The following PHF20L1 variants were observed in gnomAD, a reference collection of about 807,000 sequenced individuals.
PHF20L1 encodes PHD finger protein 20-like protein 1.
PHF20L1 carries 44 observed loss-of-function variants against 125.5 expected under a neutral mutation model. The observed-to-expected ratio is 0.35, with a 90% CI of 0.28 to 0.45. The LOEUF (loss-of-function observed/expected upper bound fraction) is 0.45. PHF20L1 is among the 20% of genes least tolerant of loss of function. The probability of loss-of-function intolerance (pLI) is 1.00; values close to 1 mark genes in which losing one functional copy is unlikely to be tolerated. For synonymous variants in PHF20L1, 380 were observed against 403.1 expected (o/e 0.94, Z 0.69); for missense variants, 1,012 against 1,217.2 (o/e 0.83, Z 2.51).
intron 6 of PHF20L1, among the ~76,000 whole-genome samples, chr8:132,801,418 C>T (rs1441135563): frequency 1.3e-5 from 2 of 151,668 alleles, no homozygotes; most frequent in African/African-American, 4.8e-5. Context: ...TCATTCTGTG[C>T]GAAGTGATTC....
chr8:132,819,581 A>G (rs1311192325), intron 12 of PHF20L1, among the ~76,000 whole-genome samples: 1 of 151,104 alleles, frequency 6.6e-6, no homozygotes, highest in Non-Finnish European at 1.5e-5. Flanking sequence ...CCTTTTTGTT[A>G]TTCACCCTCT....
Position 132,804,697 on chromosome 8 carries a change from C to G in PHF20L1, c.804C>G (p.Gly268=), listed in dbSNP as rs747441026. 2 of 1,610,050 alleles carry G rather than the reference C, an allele frequency of 1.2e-6. No homozygotes were observed. Among genetic ancestry groups the G allele is most frequent in the Non-Finnish European group, 8.5e-7 (1 of 1,177,326 alleles). ...TLSNKRKNNQ[G]NSFQAKRARL... ...CAAACAAGAGGAAAAATAATCAAGG[C>G]AACTCGTTTCAGGCAAAGAGAGCTC... is the stretch of plus-strand genomic sequence containing the variant. Residue 268 remains glycine, a synonymous_variant, in exon 8 of 21, where the codon GGC becomes GGG. Coordinates refer to ENST00000395386, the MANE Select transcript of PHF20L1 (RefSeq NM_016018.5).
chr8:132,785,137 T>C (rs1830869112), intron 2 of PHF20L1, among the ~76,000 whole-genome samples: 2 of 152,198 alleles, frequency 1.3e-5, no homozygotes, highest in Non-Finnish European at 2.9e-5. Context: ...TTTATTTGCT[T>C]ATCTGACATT....
chr8:132,804,298 G>GTT (rs1346172785), intron 7 of PHF20L1, among the ~76,000 whole-genome samples: 1 of 151,626 alleles, frequency 6.6e-6, no homozygotes, highest in African/African-American at 2.4e-5. Flanking sequence ...TTGATAGCAG[G>GTT]TTTTTGTTTG....
chr8:132,796,802 AT>A (rs1286256854), intron 4 of PHF20L1, among the ~76,000 whole-genome samples: 3 of 152,082 alleles, frequency 2.0e-5, no homozygotes, highest in Admixed American at 6.6e-5. Flanking sequence ...GTCAGTAACA[AT>A]TTGTGGAAGT....
At chr8:132,817,191 T>G (rs540417665) in intron 11 of PHF20L1, 115 bp downstream of exon 11, 32 of 899,886 alleles carry the variant, frequency 3.6e-5, no homozygotes, top group Non-Finnish European at 5.0e-5. Context: ...TCTGGAGTTA[T>G]AAGCACTTCA....
chr8:132,793,700 A>T (rs1832047429), intron 2 of PHF20L1, among the ~76,000 whole-genome samples: 1 of 150,966 alleles, frequency 6.6e-6, no homozygotes, highest in Admixed American at 6.6e-5. Context: ...GAATTACCAC[A>T]TGTGAAGACA....
Position 132,842,692 on chromosome 8 carries a change from TTA to T in PHF20L1, c.2570_2571del (p.Ile857AsnfsTer3). On this transcript the variant is annotated frameshift_variant, in exon 19 of 21. Transcript: ENST00000395386. LOFTEE classifies it high-confidence loss of function. ...GTTTGCCCCTAAAAATGGAAGGAAC[TTA>T]TATAACAAGTGAGCATAGCTATCAA... Reference protein sequence around the residue: ...PRLPLKMEGTYITSEHSYQKP... With the variant: ...PRLPLKMEGTXITSEHSYQKP... 6.2e-7 allele frequency: 1 copy of T among 1,613,284 alleles called. No individual in the cohort carries two copies. Among genetic ancestry groups the T allele is most frequent in the Non-Finnish European group, 8.5e-7 (1 of 1,179,580 alleles).
chr8:132,827,160 C>T (rs918078347), intron 14 of PHF20L1, among the ~76,000 whole-genome samples: 1 of 151,528 alleles, frequency 6.6e-6, no homozygotes, highest in South Asian at 2.1e-4. Context: ...CTCCTGCCCA[C>T]CCCCCCATCA....
intron 12 of PHF20L1, chr8:132,819,077 ATTAAC>A (rs1219033729): frequency 2.6e-5 from 4 of 152,056 alleles, no homozygotes; most frequent in Admixed American, 2.6e-4. Flanking sequence ...TAACCAGATT[ATTAAC>A]TTCCTCTTTT....
At chr8:132,805,373 G>T (rs1261013934) in intron 8 of PHF20L1, among the ~76,000 whole-genome samples, 10 of 151,836 alleles carry the variant, frequency 6.6e-5, no homozygotes, top group Admixed American at 6.6e-4. Flanking sequence ...CCTGGTTCGT[G>T]TTCATGGAAG....
chr8:132,832,820 T>C (rs1321072340), intron 15 of PHF20L1, among the ~76,000 whole-genome samples: 1 of 152,064 alleles, frequency 6.6e-6, no homozygotes, highest in Non-Finnish European at 1.5e-5. Context: ...TAAATAAACA[T>C]TTATGGTAAT....
intron 8 of PHF20L1, chr8:132,807,561 A>G (rs971765624): frequency 5.9e-5 from 21 of 357,160 alleles, no homozygotes; most frequent in Middle Eastern, 3.8e-4. Flanking sequence ...TGTTATTGAT[A>G]ATAATATCAA....
intron 2 of PHF20L1, among the ~76,000 whole-genome samples, chr8:132,787,679 A>G (rs1016415762): frequency 7.2e-5 from 11 of 152,176 alleles, no homozygotes; most frequent in African/African-American, 2.4e-4. Flanking sequence ...GCAGTATCCA[A>G]AAGTGCTGAA....
chr8:132,797,359 G>A (rs575592001), intron 4 of PHF20L1, among the ~76,000 whole-genome samples: 1 of 152,204 alleles, frequency 6.6e-6, no homozygotes, highest in East Asian at 1.9e-4. Flanking sequence ...GGGCCAGTCA[G>A]TGTGTACTGG....
rs1306415262 is a variant in PHF20L1, at chr8:132,846,689, C to T, written c.*766C>T. On this transcript the variant is annotated 3_prime_UTR_variant, in exon 21 of 21. Coordinates refer to ENST00000395386, the MANE Select transcript of PHF20L1 (RefSeq NM_016018.5). ...ATTTTAAATATTGTGGGAGTTCTCC[C>T]ACCCTAAGTCTTACATAATGCCACC... 3.3e-5 allele frequency: 5 copies of T among 152,532 alleles called. No homozygotes were observed. In the East Asian group the frequency reaches 7.7e-4, roughly 24 times the overall value. The allele number at this position is 152,532 out of a possible 1,614,324, so 9.4% of individuals were successfully genotyped here.
chr8:132,830,039 A>G (rs1251670001), intron 14 of PHF20L1, among the ~76,000 whole-genome samples: 2 of 152,010 alleles, frequency 1.3e-5, no homozygotes, highest in South Asian at 2.1e-4. Flanking sequence ...TTATTATCTT[A>G]AAGTTCTGGA....
chr8:132,798,895 G>T, intron 5 of PHF20L1, 35 bp downstream of exon 5: 1 of 1,399,992 alleles, frequency 7.1e-7, no homozygotes, highest in South Asian at 1.2e-5. Flanking sequence ...TACCCAAAGG[G>T]TTATCTTCTT....
chr8:132,783,342 G>C (rs1830650106), intron 2 of PHF20L1, among the ~76,000 whole-genome samples: 1 of 152,182 alleles, frequency 6.6e-6, no homozygotes, highest in Non-Finnish European at 1.5e-5. Flanking sequence ...TTTTTGAACT[G>C]TATGGAACAT....
Sources: gnomAD v4.1 joint callset for allele counts (sites outside exome capture counted in the v4.1 genomes callset) on GRCh38, gnomAD v4.1.1 for gene constraint, MANE v1.5 for transcripts, NCBI Gene and HGNC (gene_info 2026-07-23, HGNC 2026-07-21) for gene names.